ALDH1L1: variants seen among roughly 807,000 people sequenced by gnomAD.
The protein encoded by ALDH1L1 is aldehyde dehydrogenase 1 family member L1, also known as cytosolic 10-formyltetrahydrofolate dehydrogenase.
In ALDH1L1, 68 loss-of-function variants were observed where a neutral mutation model predicts 101.1. The observed-to-expected ratio is 0.67, with a 90% CI of 0.55 to 0.82. ALDH1L1 has a LOEUF of 0.82. Among genes scored for constraint, ALDH1L1 ranks in the 40% least tolerant of loss-of-function variants. ALDH1L1 has a pLI of 0.00. For synonymous variants in ALDH1L1, 486 were observed against 470.8 expected (o/e 1.03, Z -0.42); for missense variants, 1,087 against 1,172.7 (o/e 0.93, Z 1.07).
intron 1 of ALDH1L1, among the ~76,000 whole-genome samples, chr3:126,170,735 A>G (rs1418927795): frequency 6.6e-6 from 1 of 152,182 alleles, no homozygotes; most frequent in Non-Finnish European, 1.5e-5. Flanking sequence ...CTGTCATCTC[A>G]GACAAACACC....
At chr3:126,181,398 T>C, upstream of ALDH1L1, 1 of 290,092 alleles carries the variant, frequency 3.4e-6, no homozygotes, top group Non-Finnish European at 6.8e-6. Flanking sequence ...TCTCGCTAAG[T>C]CCCGACCACC....
chr3:126,176,308 A>T (rs2081363755), intron 1 of ALDH1L1, among the ~76,000 whole-genome samples: 1 of 152,300 alleles, frequency 6.6e-6, no homozygotes, highest in African/African-American at 2.4e-5. Flanking sequence ...CCCAGCAGTT[A>T]TTTGTGGATA....
chr3:126,193,132 C>T (rs1039681967), intron 1 of ALDH1L1, among the ~76,000 whole-genome samples: 7 of 152,184 alleles, frequency 4.6e-5, no homozygotes, highest in Non-Finnish European at 1.0e-4. Context: ...AGTTAGGTTA[C>T]AGTTCATCCA....
chr3:126,178,358 G>T (rs2081401683), intron 1 of ALDH1L1, among the ~76,000 whole-genome samples: 1 of 141,206 alleles, frequency 7.1e-6, no homozygotes, highest in Non-Finnish European at 1.5e-5. Context: ...TCCAGCCTGG[G>T]CAACAAAGTG....
intron 16 of ALDH1L1, among the ~76,000 whole-genome samples, chr3:126,124,110 GACAC>G (rs3841921): frequency 0.02 from 2,960 of 148,818 alleles, 87 homozygotes; most frequent in African/African-American, 0.063. Flanking sequence ...AGGGCGCGCG[GACAC>G]ACACACACAC....
At chr3:126,175,109 A>G (rs1034800998) in intron 1 of ALDH1L1, among the ~76,000 whole-genome samples, 17 of 152,196 alleles carry the variant, frequency 1.1e-4, no homozygotes, top group Non-Finnish European at 1.5e-5. Flanking sequence ...AAATACTAGT[A>G]TGAACAACTC....
At position 126,131,404 on chromosome 3, in the gene ALDH1L1, C is replaced by A. The variant is rs1174781945; in HGVS notation, c.1603G>T (p.Gly535Cys). The change falls in exon 13 of 23, where the codon GGC becomes TGC. Residue 535 changes from glycine to cysteine, a missense_variant. Physicochemically the swap from Gly to Cys is radical, Grantham distance 159. Transcript: ENST00000393434. ...CCCACCTGGATCTTGTCACACCAGC[C>A]AGCAAAGTAGCGGAAGGTCTGGATG... ...MSIQTFRYFA[G>C]WCDKIQGSTI... 1 of 1,606,084 alleles carries A rather than the reference C, an allele frequency of 6.2e-7. No homozygotes were observed. Among genetic ancestry groups the A allele is most frequent in the African/African-American group, 1.3e-5 (1 of 74,804 alleles).
chr3:126,164,809 T>A (rs2081132942), intron 1 of ALDH1L1, among the ~76,000 whole-genome samples: 1 of 152,222 alleles, frequency 6.6e-6, no homozygotes, highest in South Asian at 2.1e-4. Context: ...TTAAGAAACT[T>A]CCACAGTGGC....
chr3:126,168,623 T>C lies in ALDH1L1; in HGVS notation c.-23-7621A>G, dbSNP rs571999241. ...TAAATTTTAAACATATTTAACAGTC[T>C]TCCCCAAATCAAACTTTAGTCTCGA... On this transcript the variant is annotated intron_variant, in intron 1 of 22. Coordinates refer to ENST00000393434, the MANE Select transcript of ALDH1L1 (RefSeq NM_012190.4). Among the ~76,000 whole-genome samples the C allele has an allele frequency of 1.8e-4, 28 of 152,270 alleles. No individual in the cohort carries two copies. The South Asian group carries it at 3.9e-3, about 21-fold the overall frequency.
At chr3:126,187,264 G>C (rs1011586449) in intron 1 of ALDH1L1, among the ~76,000 whole-genome samples, 3 of 152,086 alleles carry the variant, frequency 2.0e-5, no homozygotes, top group Non-Finnish European at 2.9e-5. Context: ...TAAAAACGGG[G>C]GGAAGGGAAG....
chr3:126,147,961 T>C (rs2080730609), intron 8 of ALDH1L1, among the ~76,000 whole-genome samples: 1 of 152,126 alleles, frequency 6.6e-6, no homozygotes, highest in Non-Finnish European at 1.5e-5. Context: ...CCCCAGCTAA[T>C]ATTTAAGTCC....
intron 1 of ALDH1L1, among the ~76,000 whole-genome samples, chr3:126,176,945 C>G (rs1042609161): frequency 2.0e-5 from 3 of 152,220 alleles, no homozygotes; most frequent in Admixed American, 1.3e-4. Context: ...GGCAGAGAAG[C>G]ATTTAAAAAG....
rs747838364 is a variant in ALDH1L1, at chr3:126,109,951, A to G, written c.2340T>C (p.Pro780=). The change falls in exon 20 of 23, where the codon CCT becomes CCC. Residue 780 remains proline, a synonymous_variant. Coordinates refer to ENST00000393434, the MANE Select transcript of ALDH1L1 (RefSeq NM_012190.4). ...TGACACACTCTGACTCACCTGGCCG[A>G]GGGACCTGATTCCCGCCGCAGACCA... is the stretch of plus-strand genomic sequence containing the variant. ...ATLVCGGNQV[P]RPGFFFEPTV... is the part of the protein sequence containing the mutation. 10 of 1,613,816 alleles carry G rather than the reference A, an allele frequency of 6.2e-6. No homozygotes were observed. In the African/African-American group the frequency reaches 8.0e-5, roughly 13 times the overall value.
chr3:126,189,051 C>T (rs894936593), intron 1 of ALDH1L1, among the ~76,000 whole-genome samples: 2 of 152,134 alleles, frequency 1.3e-5, no homozygotes, highest in Non-Finnish European at 2.9e-5. Flanking sequence ...ATCTCGCATC[C>T]CATGACTGGG....
Position 126,103,714 on chromosome 3 carries a change from G to T in ALDH1L1, c.*77C>A. 1 of 1,506,104 alleles carries T rather than the reference G, an allele frequency of 6.6e-7. No individual in the cohort carries two copies. Among genetic ancestry groups the T allele is most frequent in the Non-Finnish European group, 9.1e-7 (1 of 1,095,398 alleles). 93.3% of individuals were successfully genotyped at this position (1,506,104 alleles called of 1,614,324 possible). A position where few individuals can be genotyped will look rare whatever the true frequency, so the allele number is the denominator to read the frequency against. On this transcript the variant is annotated 3_prime_UTR_variant, in exon 23 of 23. Transcript: ENST00000393434. ...ACTAGCCCCCCAGGTGGGAGGTGCTGTGCACCCAGGCTCAAGAGGGAGGGG... is the reference window on the plus strand; with the variant it reads ...ACTAGCCCCCCAGGTGGGAGGTGCTTTGCACCCAGGCTCAAGAGGGAGGGG...
rs374273344 is a variant in ALDH1L1, at chr3:126,118,048, C to T, written c.1939G>A (p.Gly647Arg). 12 of 1,613,926 alleles carry T rather than the reference C, an allele frequency of 7.4e-6. No homozygotes were observed. The highest frequency in any genetic ancestry group is 1.1e-5 in the South Asian group (1 of 91,070). Reference protein sequence around the residue: ...LSDHPDVRKIGFTGSTEVGKH... With the variant: ...LSDHPDVRKIRFTGSTEVGKH... Reference sequence around the variant, plus strand: ...CCCACCTCTGTGGAGCCTGTGAACCCGATTTTCCTCACATCAGGATGGTCT... The same window carrying T: ...CCCACCTCTGTGGAGCCTGTGAACCTGATTTTCCTCACATCAGGATGGTCT... Residue 647 changes from glycine (G) to arginine (R), a missense_variant, in exon 17 of 23, where the codon GGG (glycine) becomes AGG (arginine). Physicochemically the swap from Gly to Arg is moderately radical, Grantham distance 125 (BLOSUM62 -2). Transcript: ENST00000393434.
intron 1 of ALDH1L1, among the ~76,000 whole-genome samples, chr3:126,192,165 T>A (rs1487797935): frequency 6.6e-6 from 1 of 152,202 alleles, no homozygotes; most frequent in Non-Finnish European, 1.5e-5. Context: ...ATCACGATTT[T>A]ATTAAGTGCT....
intron 19 of ALDH1L1, among the ~76,000 whole-genome samples, chr3:126,111,043 TCCC>T (rs769877905): frequency 6.6e-5 from 10 of 151,918 alleles, no homozygotes; most frequent in Non-Finnish European, 1.3e-4. Flanking sequence ...GCAGTCACAC[TCCC>T]CCCATGACCG....
intron 20 of ALDH1L1, among the ~76,000 whole-genome samples, chr3:126,108,425 C>T (rs1040033728): frequency 6.6e-6 from 1 of 152,238 alleles, no homozygotes; most frequent in African/African-American, 2.4e-5. Flanking sequence ...TTGCTGGCTC[C>T]CTAGCCCTGC....
Sources: gnomAD v4.1 joint callset for allele counts (sites outside exome capture counted in the v4.1 genomes callset) on GRCh38, gnomAD v4.1.1 for gene constraint, MANE v1.5 for transcripts, NCBI Gene and HGNC (gene_info 2026-07-23, HGNC 2026-07-21) for gene names.